Variants in CCDC73 observed in about 807,000 individuals in gnomAD.
CCDC73 encodes the protein coiled-coil domain containing 73, also known as coiled-coil domain-containing protein 73.
CCDC73 carries 95 observed loss-of-function variants against 116.5 expected under a neutral mutation model. The observed-to-expected ratio is 0.82, with a 90% CI of 0.69 to 0.97. CCDC73 has a LOEUF of 0.97. CCDC73 is among the 50% of genes least tolerant of loss of function. The pLI is 0.00. For synonymous variants in CCDC73, 398 were observed against 401.3 expected (o/e 0.99, Z 0.10); for missense variants, 1,066 against 1,206.8 (o/e 0.88, Z 1.73).
intron 2 of CCDC73, among the ~76,000 whole-genome samples, chr11:32,736,576 G>T (rs1364249450): frequency 6.6e-6 from 1 of 152,070 alleles, no homozygotes; most frequent in Non-Finnish European, 1.5e-5. Context: ...CGGTAAACTA[G>T]TTCAACCATT....
chr11:32,638,268 A>C (rs1200210522), intron 13 of CCDC73, among the ~76,000 whole-genome samples: 2 of 152,184 alleles, frequency 1.3e-5, no homozygotes, highest in African/African-American at 4.8e-5. Context: ...ATTTTTCTAA[A>C]ACACAATCTG....
upstream of CCDC73, among the ~76,000 whole-genome samples, chr11:32,797,009 CAAAAAAAAAAAA>C (rs1163144111): frequency 1.2e-4 from 9 of 74,606 alleles, no homozygotes; most frequent in East Asian, 4.0e-4. Context: ...GAGACTGCCT[CAAAAAAAAAAAA>C]AAAAAAAAAA....
the CCDC73 span, among the ~76,000 whole-genome samples, chr11:32,803,786 T>A: frequency 6.6e-6 from 1 of 152,278 alleles, no homozygotes; most frequent in East Asian, 1.9e-4. Flanking sequence ...GTGGGTAATT[T>A]ATTAAACCTG....
chr11:32,616,860 C>T (rs898826773), intron 14 of CCDC73, among the ~76,000 whole-genome samples: 1 of 152,082 alleles, frequency 6.6e-6, no homozygotes, highest in Non-Finnish European at 1.5e-5. Context: ...GGTAAGTGCT[C>T]TGATATGGAT....
At chr11:32,612,958 T>C (rs1482059677) in intron 16 of CCDC73, among the ~76,000 whole-genome samples, 14 of 152,190 alleles carry the variant, frequency 9.2e-5, no homozygotes. Flanking sequence ...AATGCATGAA[T>C]ATATGTTAAG....
At chr11:32,684,831 T>G (rs1856179609) in intron 6 of CCDC73, among the ~76,000 whole-genome samples, 1 of 152,036 alleles carries the variant, frequency 6.6e-6, no homozygotes, top group African/African-American at 2.4e-5. Flanking sequence ...CAAGCGAAAC[T>G]TAGCTGGGTA....
At chr11:32,741,776 A>ATTAGGTATTTCTCCTAATG (rs1850189203) in intron 2 of CCDC73, among the ~76,000 whole-genome samples, 1 of 152,094 alleles carries the variant, frequency 6.6e-6, no homozygotes, top group Admixed American at 6.6e-5. Flanking sequence ...TGTCATGTAC[A>ATTAGGTATTTCTCCTAATG]TTAGGTATTT....
rs142650865 is a variant in CCDC73, at chr11:32,608,071, G to A, written c.3030+3061C>T. Among the ~76,000 whole-genome samples, 196 of 152,222 alleles carry A rather than the reference G, an allele frequency of 1.3e-3. 4 individuals carry two copies. The East Asian group carries it at 0.026, about 20-fold the overall frequency. ...TCCCACCAGGTTCCTCCCACAACAC[G>A]TGGGAATTGTGAGACCAATTGTAAT... is the stretch of plus-strand genomic sequence containing the variant. On this transcript the variant is annotated intron_variant, in intron 17 of 17. Transcript: ENST00000335185.
At chr11:32,697,074 A>G (rs1445078633) in intron 6 of CCDC73, among the ~76,000 whole-genome samples, 6 of 151,816 alleles carry the variant, frequency 4.0e-5, no homozygotes, top group Admixed American at 1.3e-4. Context: ...GGTTTACACA[A>G]TCCTCCAGTC....
chr11:32,634,679 A>T (rs1351939080), intron 14 of CCDC73, among the ~76,000 whole-genome samples: 1 of 152,234 alleles, frequency 6.6e-6, no homozygotes, highest in Non-Finnish European at 1.5e-5. Context: ...TGAGAAAAAG[A>T]AAAAGCATAC....
intron 2 of CCDC73, among the ~76,000 whole-genome samples, chr11:32,753,397 T>C (rs1164479887): frequency 1.3e-5 from 2 of 151,610 alleles, no homozygotes; most frequent in Non-Finnish European, 2.9e-5. Flanking sequence ...TTCTGGCAAG[T>C]GATCCTCCTA....
chr11:32,781,607 T>C (rs1226281293), intron 1 of CCDC73, among the ~76,000 whole-genome samples: 2 of 152,190 alleles, frequency 1.3e-5, no homozygotes, highest in Admixed American at 6.5e-5. Flanking sequence ...CTCTCTGACC[T>C]GGGCAGAAGA....
At chr11:32,706,125 C>T (rs1849853644) in intron 3 of CCDC73, among the ~76,000 whole-genome samples, 1 of 151,854 alleles carries the variant, frequency 6.6e-6, no homozygotes, top group Non-Finnish European at 1.5e-5. Context: ...AGATGTTTGA[C>T]TAAATCTTTC....
chr11:32,663,953 G>A (rs112528728), intron 9 of CCDC73, among the ~76,000 whole-genome samples: 13,429 of 152,000 alleles, frequency 0.088, 623 homozygotes, highest in African/African-American at 0.11. Context: ...GGTTTATGTC[G>A]TTGGTTCTGT....
At chr11:32,621,723 G>A (rs1855524488) in intron 14 of CCDC73, among the ~76,000 whole-genome samples, 1 of 152,030 alleles carries the variant, frequency 6.6e-6, no homozygotes, top group Non-Finnish European at 1.5e-5. Flanking sequence ...GAGTGAACAG[G>A]CAACCTACGG....
At chr11:32,611,347 T>C (rs1855421005) in intron 16 of CCDC73, 82 bp from the exon 17 acceptor site, 1 of 1,197,590 alleles carries the variant, frequency 8.4e-7, no homozygotes, top group Non-Finnish European at 1.2e-6. Flanking sequence ...TCTGATCCTA[T>C]GCTTTTGTAT....
chr11:32,757,478 G>A (rs942073689), intron 2 of CCDC73, among the ~76,000 whole-genome samples: 1 of 152,066 alleles, frequency 6.6e-6, no homozygotes, highest in Admixed American at 6.6e-5. Context: ...TGATTAGTAG[G>A]TACATTAGGT....
Position 32,718,106 on chromosome 11 carries a change from A to C in CCDC73, c.177T>G (p.Ile59Met), listed in dbSNP as rs1420361974. The C allele has an allele frequency of 1.6e-5, 25 of 1,608,906 alleles. No homozygotes were observed. Among genetic ancestry groups the C allele is most frequent in the East Asian group, 2.2e-5 (1 of 44,734 alleles). The change falls in exon 3 of 18, where the codon ATT becomes ATG. Residue 59 changes from isoleucine (I) to methionine (M), a missense_variant. Transcript: ENST00000335185. ...IHYEEQIGKI[I>M]VETQELKWQK... ...GCCATTTAAGTTCCTGTGTCTCCAC[A>C]ATAATTTTACCAATCTGCTCTTCAT...
intron 14 of CCDC73, among the ~76,000 whole-genome samples, chr11:32,629,586 G>A (rs568298107): frequency 6.6e-6 from 1 of 152,156 alleles, no homozygotes; most frequent in South Asian, 2.1e-4. Flanking sequence ...TTTTAGTAGA[G>A]ACGGGGTTTC....
Sources: allele counts gnomAD v4.1 joint callset (sites outside exome capture counted in the v4.1 genomes callset), GRCh38; gene constraint gnomAD v4.1.1; transcripts MANE v1.5; gene names NCBI Gene and HGNC (gene_info 2026-07-23, HGNC 2026-07-21).